The following KAZN variants were observed in gnomAD, a reference collection of about 807,000 sequenced individuals.
The protein encoded by KAZN is kazrin.
KAZN carries 40 observed loss-of-function variants against 87.4 expected under a neutral mutation model. The ratio of observed to expected loss-of-function variants is 0.46; its 90% CI spans 0.36 to 0.60. The LOEUF (loss-of-function observed/expected upper bound fraction) is 0.60. Ranked by LOEUF, KAZN falls within the 20% of genes least tolerant of loss-of-function variation. The pLI is 0.00. For missense variants in KAZN, 898 were observed against 1,073.9 expected (o/e 0.84, Z 2.29); for synonymous variants, 466 against 458.3 (o/e 1.02, Z -0.22).
intron 1 of KAZN, among the ~76,000 whole-genome samples, chr1:13,912,380 T>A (rs1202287837): frequency 1.3e-5 from 2 of 152,130 alleles, no homozygotes; most frequent in Admixed American, 1.3e-4. Flanking sequence ...AAAGGCCACA[T>A]GAAACCGTGT....
At chr1:14,202,597 G>A (rs1395196771) in intron 2 of KAZN, among the ~76,000 whole-genome samples, 1 of 152,150 alleles carries the variant, frequency 6.6e-6, no homozygotes, top group Non-Finnish European at 1.5e-5. Flanking sequence ...AACTTCTGTG[G>A]GGAGTGTTTG....
At position 14,138,081 on chromosome 1, in the gene KAZN, C is replaced by CTGTGTG. The variant is rs144840101; in HGVS notation, c.92-42354_92-42353insTGTGTG. 5.2e-4 allele frequency among the ~76,000 whole-genome samples: 70 copies of CTGTGTG among 134,128 alleles called. 1 individual carries two copies. Among genetic ancestry groups the CTGTGTG allele is most frequent in the Middle Eastern group, 3.9e-3 (1 of 254 alleles). The allele number at this position is 134,128 out of a possible 152,430, so 88.0% of individuals were successfully genotyped here. On this transcript the variant is annotated intron_variant, in intron 1 of 16. Coordinates refer to the KAZN transcript ENST00000636203. ...AAATGTTAGCATTAAATAAATGTTA[C>CTGTGTG]AGTGTGTGTGTGTGTGTGTGTGTGT...
chr1:14,980,616 G>A (rs911364625), intron 2 of KAZN, among the ~76,000 whole-genome samples: 6 of 152,148 alleles, frequency 3.9e-5, no homozygotes, highest in East Asian at 3.9e-4. Context: ...GTCCAAGACC[G>A]TCTGCCTGTT....
At chr1:14,264,551 CCTCT>C (rs1462657989) in intron 2 of KAZN, among the ~76,000 whole-genome samples, 1 of 152,094 alleles carries the variant, frequency 6.6e-6, no homozygotes, top group African/African-American at 2.4e-5. Flanking sequence ...CTACCCCCAT[CCTCT>C]CTCTCTCCCA....
intron 2 of KAZN, among the ~76,000 whole-genome samples, chr1:14,437,268 C>T (rs945301839): frequency 5.3e-5 from 8 of 152,194 alleles, no homozygotes; most frequent in Non-Finnish European, 5.9e-5. Flanking sequence ...CAGCTGGGGG[C>T]TCCAGCTCAC....
chr1:14,061,585 T>G (rs376755776), intron 1 of KAZN, among the ~76,000 whole-genome samples: 4 of 152,190 alleles, frequency 2.6e-5, no homozygotes, highest in African/African-American at 9.7e-5. Context: ...TAAAGTAGGT[T>G]TGGATTTCAC....
rs1313639346 is a variant in KAZN at position 15,004,282 on chromosome 1, C to A, written c.419-30467C>A. On this transcript the variant is annotated intron_variant, in intron 2 of 14. Coordinates refer to ENST00000376030, the MANE Select transcript of KAZN (RefSeq NM_201628.3). The stretch of plus-strand genomic sequence containing the variant: ...GGCAGTGTTCTTCCTTCCTAGGTGG[C>A]CCCTAGATTATTGGTGCATCTTATC... Among the ~76,000 whole-genome samples, 3 of 152,164 alleles carry A rather than the reference C, an allele frequency of 2.0e-5. No homozygotes were observed. In the South Asian group the frequency reaches 6.2e-4, roughly 32 times the overall value.
At position 14,687,415 on chromosome 1, in the gene KAZN, G is replaced by A. The variant is rs147518486; in HGVS notation, c.226+88192G>A. 4.5e-4 allele frequency among the ~76,000 whole-genome samples: 68 copies of A among 152,308 alleles called. 1 individual carries two copies. The highest frequency in any genetic ancestry group is 1.4e-3 in the African/African-American group (57 of 41,574). ...AGCCCAGAGAGGGGACAGCTTCTGCGGCTCCAAGGGAGGTGTAGTAAAGAA... is the reference window on the plus strand; with the variant it reads ...AGCCCAGAGAGGGGACAGCTTCTGCAGCTCCAAGGGAGGTGTAGTAAAGAA... On this transcript the variant is annotated intron_variant, in intron 1 of 14. Transcript: ENST00000376030.
intron 2 of KAZN, among the ~76,000 whole-genome samples, chr1:14,967,980 C>T (rs534362280): frequency 2.6e-5 from 4 of 152,310 alleles, no homozygotes; most frequent in South Asian, 2.1e-4. Flanking sequence ...AGTTTTTCCA[C>T]GGACCAGGTG....
intron 1 of KAZN, among the ~76,000 whole-genome samples, chr1:14,768,253 G>C (rs1260064335): frequency 6.6e-6 from 1 of 152,168 alleles, no homozygotes; most frequent in Non-Finnish European, 1.5e-5. Flanking sequence ...TGAGACTATA[G>C]TTATTTGTTA....
chr1:14,984,406 G>A (rs1427625609), intron 2 of KAZN, among the ~76,000 whole-genome samples: 1 of 152,054 alleles, frequency 6.6e-6, no homozygotes, highest in East Asian at 1.9e-4. Flanking sequence ...ACAGAGTAGA[G>A]CAAATAAGTA....
chr1:14,772,006 G>A (rs567849793), intron 1 of KAZN, among the ~76,000 whole-genome samples: 3 of 152,224 alleles, frequency 2.0e-5, no homozygotes, highest in Non-Finnish European at 4.4e-5. Context: ...AGGAGGTAGA[G>A]AAAGAAGAAA....
intron 1 of KAZN, chr1:14,180,372 A>G (rs1646171548): frequency 2.1e-6 from 3 of 1,440,446 alleles, no homozygotes; most frequent in South Asian, 2.6e-5. Context: ...CAAAATGGCT[A>G]GTCAATTTCT....
At chr1:14,066,575 T>C (rs1015513264) in intron 1 of KAZN, among the ~76,000 whole-genome samples, 1 of 152,184 alleles carries the variant, frequency 6.6e-6, no homozygotes, top group African/African-American at 2.4e-5. Flanking sequence ...TTTGGTCCCT[T>C]AACTACCAGA....
chr1:15,037,131 G>A (rs1181335743), intron 3 of KAZN, among the ~76,000 whole-genome samples: 6 of 151,466 alleles, frequency 4.0e-5, no homozygotes, highest in African/African-American at 4.9e-5. Flanking sequence ...CTCCATTCTC[G>A]GCCTAAGGAG....
intron 1 of KAZN, among the ~76,000 whole-genome samples, chr1:14,087,614 G>A (rs935674760): frequency 2.0e-5 from 3 of 152,024 alleles, no homozygotes; most frequent in Non-Finnish European, 2.9e-5. Flanking sequence ...TCATCAGATT[G>A]AGGAAGTTCC....
chr1:14,500,704 G>A (rs1236283792), intron 2 of KAZN, among the ~76,000 whole-genome samples: 1 of 151,908 alleles, frequency 6.6e-6, no homozygotes, highest in African/African-American at 2.4e-5. Flanking sequence ...CACTCACAAA[G>A]AAAAATGAAG....
intron 2 of KAZN, among the ~76,000 whole-genome samples, chr1:15,013,465 G>A (rs1161752889): frequency 3.3e-5 from 5 of 152,060 alleles, no homozygotes; most frequent in Non-Finnish European, 5.9e-5. Context: ...TAGAGATGGT[G>A]GAACCGGGCC....
Position 15,099,522 on chromosome 1 carries a change from G to T in KAZN, c.1548-2021G>T, listed in dbSNP as rs1212536809. Among the ~76,000 whole-genome samples, 1 of 152,110 alleles carries T rather than the reference G, an allele frequency of 6.6e-6. No individual in the cohort carries two copies. Among genetic ancestry groups the T allele is most frequent in the Non-Finnish European group, 1.5e-5 (1 of 68,024 alleles). On this transcript the variant is annotated intron_variant, in intron 10 of 14. Transcript: ENST00000376030. This position sits in a 1 kb window ranked among gnomAD's most constrained non-coding sequence, Gnocchi z 5.4. ...GGAGGGGTGAGCCCTGGGCAGGGTT[G>T]CAAGGGGCTGGCCGGGGAGGGGAAT...
Sources: gnomAD v4.1 joint callset for allele counts (sites outside exome capture counted in the v4.1 genomes callset) on GRCh38, gnomAD v4.1.1 for gene constraint, Gnocchi (gnomAD v3.1) non-coding constraint, MANE v1.5 for transcripts, NCBI Gene and HGNC (gene_info 2026-07-23, HGNC 2026-07-21) for gene names.